The following EXOG variants were observed in gnomAD, a reference collection of about 807,000 sequenced individuals.
The protein encoded by EXOG is exo/endonuclease G, also known as nuclease EXOG, mitochondrial.
A neutral mutation model predicts 25.8 loss-of-function variants in EXOG; 27 were observed. That is an observed-to-expected ratio of 1.05 (90% CI 0.77 to 1.45). The LOEUF is 1.45. Ranked by LOEUF, EXOG falls within the 40% of genes most tolerant of loss-of-function variation. The pLI is 0.00. For missense variants in EXOG, 458 were observed against 450.5 expected (o/e 1.02, Z -0.15); for synonymous variants, 133 against 167.0 (o/e 0.80, Z 1.57).
intron 5 of EXOG, chr3:38,523,236 T>G (rs548448079): frequency 2.3e-6 from 3 of 1,288,982 alleles, no homozygotes; most frequent in South Asian, 2.5e-5. Flanking sequence ...AAGTTCTGAT[T>G]ATGAGATGAA....
At position 38,510,127 on chromosome 3, in the gene EXOG, G is replaced by C. The variant is rs181747038; in HGVS notation, c.645+3159G>C. 1.8e-4 allele frequency among the ~76,000 whole-genome samples: 28 copies of C among 152,252 alleles called. 1 individual carries two copies. Among genetic ancestry groups the C allele is most frequent in the Middle Eastern group, 3.4e-3 (1 of 294 alleles). On this transcript the variant is annotated intron_variant, in intron 5 of 5. Coordinates refer to ENST00000287675, the MANE Select transcript of EXOG (RefSeq NM_005107.4). The stretch of plus-strand genomic sequence containing the variant: ...GACTTAGTGAAACGCTGTACTCCTG[G>C]TGTGATGCACTGAGCAGGATAAAAT...
intron 5 of EXOG, among the ~76,000 whole-genome samples, chr3:38,508,718 C>CCT (rs35117044): frequency 6.7e-6 from 1 of 149,596 alleles, no homozygotes; most frequent in Admixed American, 6.7e-5. Context: ...ACCACCCCCC[C>CCT]CCCAAAAAAA....
chr3:38,523,928 C>T lies in EXOG; in HGVS notation c.673C>T (p.Pro225Ser), dbSNP rs1449088173. The T allele has an allele frequency of 6.4e-7, 1 of 1,556,166 alleles. No individual in the cohort carries two copies. Among genetic ancestry groups the T allele is most frequent in the South Asian group, 1.2e-5 (1 of 83,308 alleles). The change falls in exon 6 of 6, where the codon CCC becomes TCC. Residue 225 changes from proline to serine, a missense_variant. Coordinates refer to ENST00000287675, the MANE Select transcript of EXOG (RefSeq NM_005107.4). ...GATTGGCGAGGACAACGTGGCAGTCCCCTCACACCTTTATAAGGTAATCCT... is the reference window on the plus strand; with the variant it reads ...GATTGGCGAGGACAACGTGGCAGTCTCCTCACACCTTTATAAGGTAATCCT... ...QVIGEDNVAV[P>S]SHLYKVILAR...
Position 38,525,683 on chromosome 3 carries a change from C to CT in EXOG, c.*1322dup. ...TGCAGCCAGGCATGGTGGCTCAGGC[C>CT]TATAATCTCAGCACTTTGGGAAATC... On this transcript the variant is annotated 3_prime_UTR_variant, in exon 6 of 6. Coordinates refer to ENST00000287675, the MANE Select transcript of EXOG (RefSeq NM_005107.4). 1.0e-6 allele frequency: 1 copy of CT among 965,420 alleles called. No homozygotes were observed. Among genetic ancestry groups the CT allele is most frequent in the Non-Finnish European group, 1.2e-6 (1 of 811,714 alleles). The allele number at this position is 965,420 out of a possible 1,614,324, so 59.8% of individuals were successfully genotyped here. A position where few individuals can be genotyped will look rare whatever the true frequency, so the allele number is the denominator to read the frequency against.
chr3:38,501,321 T>C, intron 2 of EXOG, 34 bp from the exon 3 acceptor site: 14 of 1,602,692 alleles, frequency 8.7e-6, no homozygotes, highest in Non-Finnish European at 1.2e-5. Context: ...ATTTGTCTAC[T>C]GATAACATAT....
rs142001186 is a variant in EXOG, at chr3:38,501,630, A to G, written c.453+136A>G. ...TACTCTTATTTTTCTTCCTGACAAT[A>G]TGTCTCTTCTTTCAATCACATACCG... On this transcript the variant is annotated intron_variant, in intron 3 of 5. Coordinates refer to ENST00000287675, the MANE Select transcript of EXOG (RefSeq NM_005107.4). 63 of 704,594 alleles carry G rather than the reference A, an allele frequency of 8.9e-5. No homozygotes were observed. In the African/African-American group the frequency reaches 1.0e-3, roughly 11 times the overall value. 43.6% of individuals were successfully genotyped at this position (704,594 alleles called of 1,614,324 possible). A position where few individuals can be genotyped will look rare whatever the true frequency, so the allele number is the denominator to read the frequency against.
chr3:38,500,973 G>C (rs548899644), intron 2 of EXOG, among the ~76,000 whole-genome samples: 4 of 152,052 alleles, frequency 2.6e-5, no homozygotes, highest in African/African-American at 9.7e-5. Flanking sequence ...AAATACAATC[G>C]TACAAAATAC....
At chr3:38,522,535 G>A (rs1297089467) in intron 5 of EXOG, among the ~76,000 whole-genome samples, 5 of 152,046 alleles carry the variant, frequency 3.3e-5, no homozygotes, top group Middle Eastern at 3.2e-3. Flanking sequence ...ATGGAGTTTC[G>A]CTCTTGTTGC....
chr3:38,499,971 G>C, intron 2 of EXOG: 2 of 287,130 alleles, frequency 7.0e-6, no homozygotes, highest in Non-Finnish European at 1.4e-5. Context: ...ACTCACCCAA[G>C]GTAGATTGTC....
intron 4 of EXOG, among the ~76,000 whole-genome samples, chr3:38,506,305 A>G: frequency 6.6e-6 from 1 of 152,258 alleles, no homozygotes. Context: ...GTAAATTGAT[A>G]TAACCCTATT....
At chr3:38,523,727 A>G (rs1386942616) in intron 5 of EXOG, among the ~76,000 whole-genome samples, 174 bp from the exon 6 acceptor site, 1 of 152,208 alleles carries the variant, frequency 6.6e-6, no homozygotes, top group Non-Finnish European at 1.5e-5. Flanking sequence ...CTCTTCTTGT[A>G]TGTGAATCTC....
rs1382261590 is a variant in EXOG at position 38,504,314 on chromosome 3, G to A, written c.530+623G>A. Among the ~76,000 whole-genome samples, 10 of 151,952 alleles carry A rather than the reference G, an allele frequency of 6.6e-5. 1 individual carries two copies. The highest frequency in any genetic ancestry group is 2.6e-4 in the Admixed American group (4 of 15,268). ...CCAGGAGTTTGAGGCTATAGTGAGC[G>A]GTGATTGTGCCACTGCACTCCAGTC... On this transcript the variant is annotated intron_variant, in intron 4 of 5. Transcript: ENST00000287675.
Position 38,497,745 on chromosome 3 carries a change from G to A in EXOG, c.280G>A (p.Val94Ile), listed in dbSNP as rs1329868810. ...YDQAKRVPRW[V>I]LEHISKSKIM... ...TCAGGCAAAGCGGGTGCCTAGATGG[G>A]TTCTTGAACATATTTCCAAAAGCAA... The change falls in exon 2 of 6, where the codon GTT becomes ATT. Residue 94 changes from valine to isoleucine, a missense_variant. Val to Ile is a conservative substitution (Grantham distance 29). Around this residue, in one of 3 missense-constraint regions of EXOG, gnomAD observed 275 missense variants for 230.5 expected, o/e 1.19. Coordinates refer to ENST00000287675, the MANE Select transcript of EXOG (RefSeq NM_005107.4). 1 of 1,602,450 alleles carries A rather than the reference G, an allele frequency of 6.2e-7. No homozygotes were observed. Among genetic ancestry groups the A allele is most frequent in the East Asian group, 2.2e-5 (1 of 44,664 alleles).
Position 38,525,983 on chromosome 3 carries a change from A to C in EXOG, c.*1621A>C, listed in dbSNP as rs889781712. 3 of 985,192 alleles carry C rather than the reference A, an allele frequency of 3.0e-6. No homozygotes were observed. Among genetic ancestry groups the C allele is most frequent in the Non-Finnish European group, 2.4e-6 (2 of 829,912 alleles). The allele number at this position is 985,192 out of a possible 1,614,324, so 61.0% of individuals were successfully genotyped here. A position where few individuals can be genotyped will look rare whatever the true frequency, so the allele number is the denominator to read the frequency against. On this transcript the variant is annotated 3_prime_UTR_variant, in exon 6 of 6. Coordinates refer to ENST00000287675, the MANE Select transcript of EXOG (RefSeq NM_005107.4). The stretch of plus-strand genomic sequence containing the variant: ...AAAAAGAAAAAGGTCTGCCCACAAA[A>C]TCACTAGCTTATTATTTGCTTCCTG...
intron 5 of EXOG, 43 bp downstream of exon 5, chr3:38,507,011 T>C: frequency 3.6e-6 from 3 of 831,144 alleles, no homozygotes; most frequent in Non-Finnish European, 5.9e-6. Context: ...CTGTATGAGA[T>C]TATAATCTCA....
intron 1 of EXOG, chr3:38,497,040 A>G: frequency 9.9e-7 from 1 of 1,005,914 alleles, no homozygotes; most frequent in Non-Finnish European, 1.2e-6. Context: ...CAAAGTGTAT[A>G]AAAACTCATG....
intron 5 of EXOG, among the ~76,000 whole-genome samples, chr3:38,522,304 C>G (rs1271904283): frequency 6.6e-6 from 1 of 152,160 alleles, no homozygotes; most frequent in Non-Finnish European, 1.5e-5. Flanking sequence ...TGTCGTGTCT[C>G]TGTCTTATTT....
intron 5 of EXOG, among the ~76,000 whole-genome samples, chr3:38,508,520 G>A (rs1434520843): frequency 6.6e-6 from 1 of 152,182 alleles, no homozygotes; most frequent in Non-Finnish European, 1.5e-5. Context: ...AACAGGTGGA[G>A]TGAAGCAGAA....
chr3:38,502,287 T>C (rs2060069746), intron 3 of EXOG, among the ~76,000 whole-genome samples: 1 of 152,162 alleles, frequency 6.6e-6, no homozygotes, highest in South Asian at 2.1e-4. Context: ...TGGAGTACAG[T>C]GGTGGAATCA....
Sources: gnomAD v4.1 joint callset for allele counts (sites outside exome capture counted in the v4.1 genomes callset) on GRCh38, gnomAD v4.1.1 for gene constraint, gnomAD v4.1.1 regional missense constraint, MANE v1.5 for transcripts, NCBI Gene and HGNC (gene_info 2026-07-23, HGNC 2026-07-21) for gene names.